The following PCDHA9 variants were observed in gnomAD, a reference collection of about 807,000 sequenced individuals.
PCDHA9 encodes the protein protocadherin alpha 9, also known as protocadherin alpha-9.
A neutral mutation model predicts 62.0 loss-of-function variants in PCDHA9; 62 were observed. That is an observed-to-expected ratio of 1.00 (90% CI 0.81 to 1.23). PCDHA9 has a LOEUF of 1.23. PCDHA9 is among the 50% of genes most tolerant of loss of function. The probability of loss-of-function intolerance (pLI) is 0.00; values close to 1 mark genes in which losing one functional copy is unlikely to be tolerated. For missense variants in PCDHA9, 1,205 were observed against 1,249.8 expected, an observed-to-expected ratio of 0.96 and a Z score of 0.54; for synonymous variants, 557 against 567.6, an observed-to-expected ratio of 0.98 and a Z score of 0.27.
At chr5:140,952,970 T>C (rs2094826762) in intron 1 of PCDHA9, among the ~76,000 whole-genome samples, 1 of 152,000 alleles carries the variant, frequency 6.6e-6, no homozygotes, top group Non-Finnish European at 1.5e-5. Context: ...TACACACTTT[T>C]AAACAACAAG....
chr5:140,885,670 C>T (rs1351720729), intron 1 of PCDHA9, among the ~76,000 whole-genome samples: 2 of 152,138 alleles, frequency 1.3e-5, no homozygotes, highest in African/African-American at 4.8e-5. Flanking sequence ...TATGAGCACT[C>T]TTTCTATCTC....
chr5:141,010,377 G>A lies in PCDHA9; in HGVS notation c.*440G>A. 1 of 1,444,554 alleles carries A rather than the reference G, an allele frequency of 6.9e-7. No individual in the cohort carries two copies. The highest frequency in any genetic ancestry group is 1.4e-5 in the South Asian group (1 of 71,996). The allele number at this position is 1,444,554 out of a possible 1,614,324, so 89.5% of individuals were successfully genotyped here. ...GGCTACCGCGGGTATGCGAGTGCCA[G>A]ATATTGGCTGAGACGAGCCAGCTTA... On this transcript the variant is annotated 3_prime_UTR_variant, in exon 4 of 4. Transcript: ENST00000532602.
intron 1 of PCDHA9, among the ~76,000 whole-genome samples, chr5:140,891,122 G>A (rs572236105): frequency 1.3e-5 from 2 of 152,256 alleles, no homozygotes; most frequent in African/African-American, 4.8e-5. Flanking sequence ...CAATCTAAAT[G>A]TCATTCCTTT....
At position 140,967,833 on chromosome 5, in the gene PCDHA9, T is replaced by G. The variant is rs1554229998; in HGVS notation, c.2395-11116T>G. The G allele has an allele frequency of 1.2e-6, 2 of 1,614,014 alleles. No homozygotes were observed. The highest frequency in any genetic ancestry group is 4.5e-5 in the East Asian group (2 of 44,876). On this transcript the variant is annotated intron_variant, in intron 1 of 3. Transcript: ENST00000532602. The stretch of plus-strand genomic sequence containing the variant: ...CACTGCAAGGTGCTGGTGGACATCG[T>G]GGACGTGAATGACAATGCCCCAGAG...
intron 1 of PCDHA9, chr5:140,966,755 C>T (rs1554228616): frequency 7.0e-7 from 1 of 1,434,520 alleles, no homozygotes; most frequent in Admixed American, 2.7e-5. Context: ...GCCTCCGCCG[C>T]GGCCAGTGGC....
At chr5:140,922,927 T>C (rs1257564815) in intron 1 of PCDHA9, among the ~76,000 whole-genome samples, 1 of 152,214 alleles carries the variant, frequency 6.6e-6, no homozygotes, top group Non-Finnish European at 1.5e-5. Flanking sequence ...TTCAGACTTT[T>C]ACTTCCAGCA....
Position 140,855,945 on chromosome 5 carries a change from C to T in PCDHA9, c.2394+5056C>T, listed in dbSNP as rs187469272. On this transcript the variant is annotated intron_variant, in intron 1 of 3. Transcript: ENST00000532602. ...AGTAGCGTCATTCTGAGATCTCAGC[C>T]ATTTCGATAAAAAATAGATATAAGA... 8 of 1,336,226 alleles carry T rather than the reference C, an allele frequency of 6.0e-6. No individual in the cohort carries two copies. In the Admixed American group the frequency reaches 1.2e-4, roughly 20 times the overall value. 82.8% of individuals were successfully genotyped at this position (1,336,226 alleles called of 1,614,324 possible). A position where few individuals can be genotyped will look rare whatever the true frequency, so the allele number is the denominator to read the frequency against.
At position 140,992,594 on chromosome 5, in the gene PCDHA9, G is replaced by T. The variant is rs782416770; in HGVS notation, c.2542+10031G>T. On this transcript the variant is annotated intron_variant, in intron 3 of 3. Coordinates refer to ENST00000532602, the MANE Select transcript of PCDHA9 (RefSeq NM_031857.2). ...ATTGCCTGCCTTGTATGCATCTAGC[G>T]TCTGTGTCTAAGTGAAAGCAGATTA... Among the ~76,000 whole-genome samples, 5 of 152,266 alleles carry T rather than the reference G, an allele frequency of 3.3e-5. No individual in the cohort carries two copies. The East Asian group carries it at 7.7e-4, about 24-fold the overall frequency.
intron 1 of PCDHA9, among the ~76,000 whole-genome samples, chr5:140,941,192 TTTCTTTCTTCCTTTCTTTCTTCC>T (rs2153649449): frequency 1.0e-5 from 1 of 99,660 alleles, no homozygotes; most frequent in African/African-American, 4.0e-5. Flanking sequence ...CTTCTTTTTT[TTTCTTTCTTCCTTTCTTTCTTCC>T]TTTCTTTCTT....
At chr5:140,851,968 C>T (rs1409588887) in intron 1 of PCDHA9, 1 of 976,644 alleles carries the variant, frequency 1.0e-6, no homozygotes, top group Admixed American at 6.3e-5. Flanking sequence ...GTTTTCCACA[C>T]TCTACCTTTA....
chr5:140,870,550 G>C (rs371515299), intron 1 of PCDHA9: 2 of 1,614,066 alleles, frequency 1.2e-6, no homozygotes, highest in South Asian at 2.2e-5. Flanking sequence ...GGACGCGGAC[G>C]CGCAGGAGAA....
At chr5:140,969,342 G>A in intron 1 of PCDHA9, 1 of 1,613,630 alleles carries the variant, frequency 6.2e-7, no homozygotes, top group Non-Finnish European at 8.5e-7. Flanking sequence ...GTGAGACAGT[G>A]GTCAGGGGGT....
intron 1 of PCDHA9, among the ~76,000 whole-genome samples, chr5:140,945,724 A>G (rs569323682): frequency 4.6e-5 from 7 of 152,272 alleles, no homozygotes; most frequent in South Asian, 2.1e-4. Flanking sequence ...AAGAATATAC[A>G]ATGGAAAAAG....
chr5:140,941,841 A>G (rs1483251367), intron 1 of PCDHA9, among the ~76,000 whole-genome samples: 1 of 152,180 alleles, frequency 6.6e-6, no homozygotes, highest in Non-Finnish European at 1.5e-5. Flanking sequence ...TTAGGCTGCC[A>G]TTACCTGATA....
chr5:140,940,940 G>A (rs187772223), intron 1 of PCDHA9, among the ~76,000 whole-genome samples: 2 of 152,254 alleles, frequency 1.3e-5, no homozygotes, highest in Non-Finnish European at 2.9e-5. Context: ...CTTAGACTAC[G>A]TATTCTCAGA....
chr5:140,934,053 G>A (rs2089601827), intron 1 of PCDHA9, among the ~76,000 whole-genome samples: 1 of 151,758 alleles, frequency 6.6e-6, no homozygotes, highest in African/African-American at 2.4e-5. Flanking sequence ...GTCTTTCCAA[G>A]GCTAACTTTT....
intron 1 of PCDHA9, chr5:140,869,536 T>G: frequency 6.2e-7 from 1 of 1,614,170 alleles, no homozygotes; most frequent in Non-Finnish European, 8.5e-7. Flanking sequence ...GATTGCGGAA[T>G]CTAAGCAATC....
intron 1 of PCDHA9, among the ~76,000 whole-genome samples, chr5:140,885,351 G>T (rs2060569192): frequency 1.3e-5 from 2 of 152,052 alleles, no homozygotes; most frequent in Admixed American, 6.5e-5. Context: ...TTTCCAAAAG[G>T]TACTGGTGAC....
intron 1 of PCDHA9, among the ~76,000 whole-genome samples, chr5:140,879,621 T>G (rs1050176793): frequency 5.9e-5 from 9 of 152,076 alleles, no homozygotes; most frequent in African/African-American, 2.2e-4. Context: ...GGTACTTAGG[T>G]GGGTAAGTGT....
Sources: allele counts gnomAD v4.1 joint callset (sites outside exome capture counted in the v4.1 genomes callset), GRCh38; gene constraint gnomAD v4.1.1; transcripts MANE v1.5; gene names NCBI Gene and HGNC (gene_info 2026-07-23, HGNC 2026-07-21).